The following KCNIP4 variants were observed in gnomAD, a reference collection of about 807,000 sequenced individuals.
KCNIP4 encodes the protein Kv channel-interacting protein 4.
In KCNIP4, 12 loss-of-function variants were observed where a neutral mutation model predicts 34.0. The ratio of observed to expected loss-of-function variants is 0.35; its 90% CI spans 0.23 to 0.57. KCNIP4 has a LOEUF of 0.57. Among genes scored for constraint, KCNIP4 ranks in the 20% least tolerant of loss-of-function variants. The pLI is 0.83. For synonymous variants in KCNIP4, 124 were observed against 102.2 expected, an observed-to-expected ratio of 1.21 and a Z score of -1.29; for missense variants, 238 against 311.7, an observed-to-expected ratio of 0.76 and a Z score of 1.78.
intron 1 of KCNIP4, among the ~76,000 whole-genome samples, chr4:21,326,974 CTGTTTA>C (rs1339459525): frequency 1.3e-5 from 2 of 151,812 alleles, no homozygotes; most frequent in Non-Finnish European, 2.9e-5. Context: ...TTTGTTGTTT[CTGTTTA>C]TATCTTATTA....
intron 3 of KCNIP4, among the ~76,000 whole-genome samples, chr4:20,764,860 A>G (rs1370851452): frequency 1.3e-5 from 2 of 152,178 alleles, no homozygotes; most frequent in African/African-American, 4.8e-5. Context: ...CTGTGATGGC[A>G]CTCAGCCGGA....
intron 1 of KCNIP4, among the ~76,000 whole-genome samples, chr4:21,767,544 C>T (rs1359807955): frequency 6.6e-6 from 1 of 151,854 alleles, no homozygotes; most frequent in Non-Finnish European, 1.5e-5. Context: ...GGTTCTATGA[C>T]CTTGAGTTTA....
At chr4:21,119,695 T>A (rs1749988589) in intron 1 of KCNIP4, among the ~76,000 whole-genome samples, 1 of 151,658 alleles carries the variant, frequency 6.6e-6, no homozygotes, top group Admixed American at 6.6e-5. Context: ...TGTCCCTCTT[T>A]CTCTCCAACA....
At chr4:21,061,660 A>G (rs966603410) in intron 1 of KCNIP4, among the ~76,000 whole-genome samples, 5 of 152,170 alleles carry the variant, frequency 3.3e-5, no homozygotes, top group African/African-American at 9.7e-5. Flanking sequence ...TAAAAATTCA[A>G]TTGTATTTTA....
chr4:21,378,133 C>G (rs1043068564), intron 1 of KCNIP4, among the ~76,000 whole-genome samples: 15 of 152,112 alleles, frequency 9.9e-5, no homozygotes, highest in Non-Finnish European at 2.9e-5. Context: ...GATTTAGAAG[C>G]CAGTCTCTCA....
chr4:21,929,402 C>T (rs1729439840), intron 1 of KCNIP4, among the ~76,000 whole-genome samples: 1 of 152,180 alleles, frequency 6.6e-6, no homozygotes, highest in African/African-American at 2.4e-5. Flanking sequence ...TTGTTACTGT[C>T]TACATTCTTC....
chr4:21,901,516 G>A (rs1234167176), intron 1 of KCNIP4, among the ~76,000 whole-genome samples: 1 of 152,164 alleles, frequency 6.6e-6, no homozygotes, highest in East Asian at 1.9e-4. Context: ...AGGTAGTAGA[G>A]ATGGAATGTT....
At chr4:20,768,222 CAGTT>C (rs1755585706) in intron 3 of KCNIP4, among the ~76,000 whole-genome samples, 1 of 152,088 alleles carries the variant, frequency 6.6e-6, no homozygotes, top group African/African-American at 2.4e-5. Flanking sequence ...AATCTTCAGT[CAGTT>C]CTTAGCTTTT....
intron 1 of KCNIP4, among the ~76,000 whole-genome samples, chr4:21,556,944 C>CAAAAAAAAAAAAAAAAAAAAAAAAAA (rs1560514384): frequency 1.0e-5 from 1 of 98,266 alleles, no homozygotes; most frequent in Non-Finnish European, 2.1e-5. Context: ...AAAAAAAAAA[C>CAAAAAAAAAAAAAAAAAAAAAAAAAA]CAGAAAACAA....
At chr4:21,247,717 A>G (rs1442582461) in intron 1 of KCNIP4, among the ~76,000 whole-genome samples, 1 of 104,098 alleles carries the variant, frequency 9.6e-6, no homozygotes, top group Non-Finnish European at 1.8e-5. Flanking sequence ...AAAGCAAAGC[A>G]AAAGCAATCC....
At chr4:21,171,532 C>T (rs1425273212) in intron 1 of KCNIP4, among the ~76,000 whole-genome samples, 1 of 152,098 alleles carries the variant, frequency 6.6e-6, no homozygotes, top group Non-Finnish European at 1.5e-5. Flanking sequence ...AATATAAGTG[C>T]ATTTTCAGAA....
intron 5 of KCNIP4, among the ~76,000 whole-genome samples, chr4:20,736,509 G>T (rs1164785429): frequency 6.6e-6 from 1 of 151,346 alleles, no homozygotes; most frequent in Non-Finnish European, 1.5e-5. Context: ...TTTTCTTCTG[G>T]GTTTTCATGT....
intron 1 of KCNIP4, among the ~76,000 whole-genome samples, chr4:21,379,529 T>C (rs534309247): frequency 6.6e-6 from 1 of 152,138 alleles, no homozygotes; most frequent in Non-Finnish European, 1.5e-5. Flanking sequence ...GGTGGGAGAG[T>C]TTCTCTAAGA....
intron 1 of KCNIP4, among the ~76,000 whole-genome samples, chr4:21,446,987 C>T (rs1004923037): frequency 1.1e-4 from 16 of 151,246 alleles, no homozygotes; most frequent in African/African-American, 3.4e-4. Context: ...CTACTATAAA[C>T]AGGTGCATAC....
At chr4:21,712,792 A>T (rs1713842710) in intron 1 of KCNIP4, among the ~76,000 whole-genome samples, 2 of 152,164 alleles carry the variant, frequency 1.3e-5, no homozygotes, top group Admixed American at 1.3e-4. Context: ...AAAAAAAAAA[A>T]TCTGGTCATA....
At chr4:21,241,697 C>T (rs1759824653) in intron 1 of KCNIP4, among the ~76,000 whole-genome samples, 1 of 152,106 alleles carries the variant, frequency 6.6e-6, no homozygotes, top group Non-Finnish European at 1.5e-5. Context: ...ATGAAATGGG[C>T]ATTATTTTTA....
At chr4:21,460,103 G>A (rs189251352) in intron 1 of KCNIP4, among the ~76,000 whole-genome samples, 5 of 57,006 alleles carry the variant, frequency 8.8e-5, no homozygotes, top group Non-Finnish European at 3.3e-4. Flanking sequence ...TCTGCCCCCC[G>A]CCCCCCATCT....
intron 1 of KCNIP4, among the ~76,000 whole-genome samples, chr4:21,221,558 GAAC>G (rs1338497124): frequency 3.3e-5 from 5 of 152,124 alleles, no homozygotes; most frequent in African/African-American, 1.2e-4. Context: ...ACTATCATGA[GAAC>G]AGCACAGGGG....
At chr4:21,030,264 A>G (rs559127833) in intron 1 of KCNIP4, among the ~76,000 whole-genome samples, 1 of 152,078 alleles carries the variant, frequency 6.6e-6, no homozygotes, top group Admixed American at 6.5e-5. Context: ...CATGCAAGGG[A>G]TCTCGGTTGT....
Sources: allele counts gnomAD v4.1 joint callset (sites outside exome capture counted in the v4.1 genomes callset), GRCh38; gene constraint gnomAD v4.1.1; transcripts MANE v1.5; gene names NCBI Gene and HGNC (gene_info 2026-07-23, HGNC 2026-07-21).